CENPQ: variants seen among roughly 807,000 people sequenced by gnomAD.
CENPQ encodes chromosome 6 open reading frame 139.
A neutral mutation model predicts 36.6 loss-of-function variants in CENPQ; 27 were observed. That is an observed-to-expected ratio of 0.74 (90% CI 0.54 to 1.02). The LOEUF is 1.02. CENPQ is among the 50% of genes least tolerant of loss of function. The probability of loss-of-function intolerance (pLI) is 0.00; values close to 1 mark genes in which losing one functional copy is unlikely to be tolerated. For synonymous variants in CENPQ, 101 were observed against 101.7 expected (o/e 0.99, Z 0.04); for missense variants, 306 against 301.8 (o/e 1.01, Z -0.10).
Position 49,469,612 on chromosome 6 carries a change from A to G in CENPQ, c.-18-547A>G, listed in dbSNP as rs187783356. Among the ~76,000 whole-genome samples, 292 of 152,324 alleles carry G rather than the reference A, an allele frequency of 1.9e-3. 2 individuals are homozygous for G. Among genetic ancestry groups the G allele is most frequent in the South Asian group, 2.5e-3 (12 of 4,832 alleles). On this transcript the variant is annotated intron_variant, in intron 1 of 8. Transcript: ENST00000335783. ...TTGTTAAAATGCACATAGCCCAGATAGGATTGCAGTTTAAATTCTTAATAG... is the reference window on the plus strand; with the variant it reads ...TTGTTAAAATGCACATAGCCCAGATGGGATTGCAGTTTAAATTCTTAATAG...
chr6:49,470,955 C>T lies in CENPQ; in HGVS notation c.103-19C>T, dbSNP rs761048337. On this transcript the variant is annotated intron_variant, in intron 2 of 8. Transcript: ENST00000335783. ...ATGTTTAATTCTGTTTATGTTTATG[C>T]ATGTGTTTTTCCCTCTAGGTTAGAA... The T allele has an allele frequency of 1.1e-5, 16 of 1,408,440 alleles. No homozygotes were observed. The highest frequency in any genetic ancestry group is 1.4e-5 in the Non-Finnish European group (15 of 1,046,492). The allele number at this position is 1,408,440 out of a possible 1,614,324, so 87.2% of individuals were successfully genotyped here. A position where few individuals can be genotyped will look rare whatever the true frequency, so the allele number is the denominator to read the frequency against.
In CENPQ at chr6:49,472,173, T is replaced by A; in HGVS notation, c.268T>A (p.Ser90Thr). ...TRDHLQTMME[S>T]VIMTILSNSI... ...AGACCATTTGCAAACTATGATGGAATCAGTAATAATGTGAGTATAAAATTG... is the reference window on the plus strand; with the variant it reads ...AGACCATTTGCAAACTATGATGGAAACAGTAATAATGTGAGTATAAAATTG... The change falls in exon 4 of 9, where the codon TCA becomes ACA. Residue 90 changes from serine (S) to threonine (T), a missense_variant. Coordinates refer to ENST00000335783, the MANE Select transcript of CENPQ (RefSeq NM_018132.4). The A allele has an allele frequency of 6.2e-7, 1 of 1,610,562 alleles. No homozygotes were observed.
At chr6:49,479,821 C>A (rs1768386776) in intron 5 of CENPQ, among the ~76,000 whole-genome samples, 1 of 152,144 alleles carries the variant, frequency 6.6e-6, no homozygotes, top group Non-Finnish European at 1.5e-5. Context: ...TCCTTTGCAG[C>A]AACACGGTTG....
chr6:49,464,520 T>C (rs994284772), intron 1 of CENPQ, among the ~76,000 whole-genome samples: 2 of 152,238 alleles, frequency 1.3e-5, no homozygotes, highest in Non-Finnish European at 1.5e-5. Context: ...TAGCATGTGA[T>C]GCTGTTTGAA....
At chr6:49,482,813 A>G (rs1403847372) in intron 6 of CENPQ, among the ~76,000 whole-genome samples, 1 of 151,854 alleles carries the variant, frequency 6.6e-6, no homozygotes, top group Non-Finnish European at 1.5e-5. Flanking sequence ...TGAGTGTTAC[A>G]GTTCTTAAAG....
At chr6:49,478,829 A>T (rs907959520) in intron 5 of CENPQ, among the ~76,000 whole-genome samples, 2 of 152,178 alleles carry the variant, frequency 1.3e-5, no homozygotes, top group East Asian at 3.8e-4. Flanking sequence ...TACTTCCAGA[A>T]AGTCTGCCCT....
rs759527083 is a variant in CENPQ at position 49,487,454 on chromosome 6, T to TAAAAAAAAAA, written c.478-893_478-884dup. Among the ~76,000 whole-genome samples, 7 of 93,268 alleles carry TAAAAAAAAAA rather than the reference T, an allele frequency of 7.5e-5. No individual in the cohort carries two copies. In the South Asian group the frequency reaches 1.2e-3, roughly 16 times the overall value. 61.2% of individuals were successfully genotyped at this position (93,268 alleles called of 152,430 possible). On this transcript the variant is annotated intron_variant, in intron 6 of 8. Coordinates refer to ENST00000335783, the MANE Select transcript of CENPQ (RefSeq NM_018132.4). Reference sequence around the variant, plus strand: ...GCTGACCCCTGCAGCTACCCTTTCTTAAAAAAAAAAAAAAGTCATTTAGAA... The same window carrying TAAAAAAAAAA: ...GCTGACCCCTGCAGCTACCCTTTCTTAAAAAAAAAAAAAAAAAAAAAAAAGTCATTTAGAA...
intron 5 of CENPQ, among the ~76,000 whole-genome samples, chr6:49,474,958 A>G (rs559077071): frequency 3.3e-5 from 5 of 152,296 alleles, no homozygotes; most frequent in Non-Finnish European, 5.9e-5. Context: ...CTAAACAGGG[A>G]AGAAGTTGAA....
chr6:49,466,685 A>G (rs1437430996), intron 1 of CENPQ, among the ~76,000 whole-genome samples: 1 of 152,158 alleles, frequency 6.6e-6, no homozygotes, highest in Non-Finnish European at 1.5e-5. Context: ...TGATAGAAAC[A>G]ATGTCTTTTG....
At chr6:49,483,187 C>T (rs1158773790) in intron 6 of CENPQ, among the ~76,000 whole-genome samples, 1 of 152,116 alleles carries the variant, frequency 6.6e-6, no homozygotes, top group African/African-American at 2.4e-5. Context: ...TAGCTAGATA[C>T]GGAGTGTAGA....
rs560802872 is a variant in CENPQ at position 49,484,464 on chromosome 6, T to G, written c.477+3384T>G. The stretch of plus-strand genomic sequence containing the variant: ...TCCAAACAACTAAGTCAAAGCAACC[T>G]TGAGGAGCTTATTAGATAATTATAA... On this transcript the variant is annotated intron_variant, in intron 6 of 8. Coordinates refer to ENST00000335783, the MANE Select transcript of CENPQ (RefSeq NM_018132.4). 3.3e-5 allele frequency among the ~76,000 whole-genome samples: 5 copies of G among 152,292 alleles called. 1 individual carries two copies. Among genetic ancestry groups the G allele is most frequent in the Middle Eastern group, 6.8e-3 (2 of 294 alleles).
intron 8 of CENPQ, among the ~76,000 whole-genome samples, chr6:49,491,126 C>T (rs1028656182): frequency 1.5e-4 from 23 of 152,164 alleles, no homozygotes; most frequent in Non-Finnish European, 2.1e-4. Flanking sequence ...AATGAGGCAT[C>T]CTGGTATATC....
chr6:49,474,012 A>T (rs1768211950), intron 5 of CENPQ, among the ~76,000 whole-genome samples: 1 of 152,218 alleles, frequency 6.6e-6, no homozygotes, highest in South Asian at 2.1e-4. Flanking sequence ...ACCCAGATTC[A>T]TAAAGCAAGT....
intron 1 of CENPQ, among the ~76,000 whole-genome samples, chr6:49,465,620 A>C (rs1767982642): frequency 6.6e-6 from 1 of 152,224 alleles, no homozygotes; most frequent in Admixed American, 6.5e-5. Flanking sequence ...TTCACTTTGT[A>C]CTTTCATGTT....
At chr6:49,470,511 C>T (rs963381005) in intron 2 of CENPQ, among the ~76,000 whole-genome samples, 4 of 148,780 alleles carry the variant, frequency 2.7e-5, no homozygotes, top group East Asian at 4.1e-4. Context: ...CTCAGCTACT[C>T]GGGAGGAGGT....
intron 1 of CENPQ, among the ~76,000 whole-genome samples, chr6:49,466,324 G>A (rs1767999017): frequency 6.6e-6 from 1 of 152,214 alleles, no homozygotes; most frequent in East Asian, 1.9e-4. Context: ...ACAGAAATGT[G>A]AAGAGTGAGC....
intron 6 of CENPQ, among the ~76,000 whole-genome samples, chr6:49,487,549 A>G (rs554940446): frequency 4.6e-5 from 7 of 152,016 alleles, no homozygotes; most frequent in South Asian, 4.2e-4. Flanking sequence ...TGGAAAAGAC[A>G]TAGATATAGC....
In CENPQ at chr6:49,487,168, A is replaced by AAAAAAGATGGTCCTGAGTTG. The variant is rs541811843; in HGVS notation, c.478-1183_478-1182insAAAAGATGGTCCTGAGTTGA. Among the ~76,000 whole-genome samples, 11 of 72,350 alleles carry AAAAAAGATGGTCCTGAGTTG rather than the reference A, an allele frequency of 1.5e-4. 3 individuals carry two copies. In the South Asian group the frequency reaches 1.5e-3, roughly 10 times the overall value. 47.5% of individuals were successfully genotyped at this position (72,350 alleles called of 152,430 possible). ...AACTCCATCTCAAAAAAAAAAAAAA[A>AAAAAAGATGGTCCTGAGTTG]ATAAAAAAAATAAAAACAGAGTCTG... is the stretch of plus-strand genomic sequence containing the variant. On this transcript the variant is annotated intron_variant, in intron 6 of 8. Coordinates refer to ENST00000335783, the MANE Select transcript of CENPQ (RefSeq NM_018132.4).
At chr6:49,472,212 T>C (rs774959521) in intron 4 of CENPQ, 29 bp downstream of exon 4, 1 of 1,564,496 alleles carries the variant, frequency 6.4e-7, no homozygotes, top group East Asian at 2.3e-5. Context: ...CATTTCATTC[T>C]TTTGGTTCCC....
Sources: gnomAD v4.1 joint callset for allele counts (sites outside exome capture counted in the v4.1 genomes callset) on GRCh38, gnomAD v4.1.1 for gene constraint, MANE v1.5 for transcripts, NCBI Gene and HGNC (gene_info 2026-07-23, HGNC 2026-07-21) for gene names.